KSR1: variants seen among roughly 807,000 people sequenced by gnomAD.
KSR1 encodes kinase suppressor of ras 1.
In KSR1, 35 loss-of-function variants were observed where a neutral mutation model predicts 92.9. The ratio of observed to expected loss-of-function variants is 0.38; its 90% CI spans 0.29 to 0.50. The LOEUF (loss-of-function observed/expected upper bound fraction) is 0.50, where lower values mean the gene tolerates loss of function less well. Among genes scored for constraint, KSR1 ranks in the 20% least tolerant of loss-of-function variants. The pLI is 0.94. For synonymous variants in KSR1, 467 were observed against 472.6 expected, an observed-to-expected ratio of 0.99 and a Z score of 0.15; for missense variants, 972 against 1,158.5, an observed-to-expected ratio of 0.84 and a Z score of 2.34.
At position 27,621,184 on chromosome 17, in the gene KSR1, C is replaced by T; in HGVS notation, c.2628-9C>T. The T allele has an allele frequency of 2.5e-6, 1 of 398,698 alleles. No individual in the cohort carries two copies. Among genetic ancestry groups the T allele is most frequent in the South Asian group, 1.3e-4 (1 of 7,856 alleles). 24.7% of individuals were successfully genotyped at this position (398,698 alleles called of 1,614,324 possible). On this transcript the variant is annotated splice_polypyrimidine_tract_variant and intron_variant, in intron 19 of 20. Transcript: ENST00000644974. ...CACGCCTGGTGGAATGGTCGCTGGG[C>T]ACTCCCAGTCGCTGGAGGAGCCGCT...
intron 18 of KSR1, 62 bp downstream of exon 18, chr17:27,611,691 G>A (rs2073922214): frequency 1.3e-6 from 2 of 1,599,460 alleles, no homozygotes; most frequent in Admixed American, 3.4e-5. Flanking sequence ...CATGTGGCAT[G>A]GCTGCCCTTC....
chr17:27,479,512 G>C (rs962039842), intron 1 of KSR1, among the ~76,000 whole-genome samples: 1 of 152,096 alleles, frequency 6.6e-6, no homozygotes, highest in Non-Finnish European at 1.5e-5. Flanking sequence ...AAGGGAGGAA[G>C]GTGCCGCTCC....
chr17:27,546,633 G>T (rs1407700268), intron 1 of KSR1, among the ~76,000 whole-genome samples: 1 of 152,214 alleles, frequency 6.6e-6, no homozygotes, highest in Non-Finnish European at 1.5e-5. Context: ...AATAGCTGCT[G>T]GGTGAGTGCG....
intron 13 of KSR1, 54 bp from the exon 14 acceptor site, chr17:27,605,380 C>G: frequency 6.4e-7 from 1 of 1,552,428 alleles, no homozygotes; most frequent in South Asian, 1.2e-5. Flanking sequence ...AAGGAAGAGA[C>G]GTCGCAGAGC....
At position 27,597,278 on chromosome 17, in the gene KSR1, C is replaced by A; in HGVS notation, c.1310C>A (p.Pro437Gln). Reference protein sequence around the residue: ...PKALTKKEHPPAMNHLDSSSN... With the variant: ...PKALTKKEHPQAMNHLDSSSN... Reference sequence around the variant, plus strand: ...TCTCTGGTCCTGCAGGAGCACCCTCCGGCCATGAATCACCTGGACTCCAGC... The same window carrying A: ...TCTCTGGTCCTGCAGGAGCACCCTCAGGCCATGAATCACCTGGACTCCAGC... The change falls in exon 10 of 21, where the codon CCG becomes CAG. Residue 437 changes from proline (P) to glutamine (Q), a missense_variant. Transcript: ENST00000644974. 6.3e-7 allele frequency: 1 copy of A among 1,589,876 alleles called. No individual in the cohort carries two copies. Among genetic ancestry groups the A allele is most frequent in the East Asian group, 2.3e-5 (1 of 43,378 alleles).
rs549649270 is a variant in KSR1, at chr17:27,552,703, C to T, written c.372+1995C>T. ...TAGCACTCCCCTCTTCCCATGCCAACGTCCTTTTCATTCATGAAGGGTTTG... is the reference window on the plus strand; with the variant it reads ...TAGCACTCCCCTCTTCCCATGCCAATGTCCTTTTCATTCATGAAGGGTTTG... On this transcript the variant is annotated intron_variant, in intron 2 of 20. Transcript: ENST00000644974. 1.5e-3 allele frequency among the ~76,000 whole-genome samples: 223 copies of T among 152,314 alleles called. 1 individual carries two copies. Among genetic ancestry groups the T allele is most frequent in the African/African-American group, 5.0e-3 (208 of 41,564 alleles).
At chr17:27,531,145 G>A (rs535495028) in intron 1 of KSR1, among the ~76,000 whole-genome samples, 1 of 152,288 alleles carries the variant, frequency 6.6e-6, no homozygotes, top group South Asian at 2.1e-4. Flanking sequence ...CCTCCCTTGG[G>A]GCCAGTGCCC....
chr17:27,517,181 A>G (rs1016177936), intron 1 of KSR1, among the ~76,000 whole-genome samples: 17 of 152,180 alleles, frequency 1.1e-4, no homozygotes, highest in Non-Finnish European at 2.2e-4. Context: ...TCTGAATGGG[A>G]AACATTTGTC....
At chr17:27,488,183 A>G (rs751192070) in intron 1 of KSR1, among the ~76,000 whole-genome samples, 1 of 152,256 alleles carries the variant, frequency 6.6e-6, no homozygotes, top group Admixed American at 6.5e-5. Context: ...TACATTCAAA[A>G]CATATATAAA....
At chr17:27,610,263 G>T (rs568885873) in intron 17 of KSR1, 65 bp downstream of exon 17, 80 of 1,604,492 alleles carry the variant, frequency 5.0e-5, no homozygotes, top group South Asian at 3.6e-4. Context: ...GTGGCCATTG[G>T]GGGCAGAGGG....
chr17:27,457,224 T>C (rs974654880), intron 1 of KSR1, among the ~76,000 whole-genome samples: 3 of 152,094 alleles, frequency 2.0e-5, no homozygotes, highest in Non-Finnish European at 4.4e-5. Flanking sequence ...GCTGGACTTT[T>C]CCCCGTGTGA....
At chr17:27,479,018 T>C (rs535454743) in intron 1 of KSR1, among the ~76,000 whole-genome samples, 10 of 123,084 alleles carry the variant, frequency 8.1e-5, no homozygotes, top group East Asian at 2.7e-4. Flanking sequence ...CTCTGTGCTC[T>C]TCCCTCCCTC....
chr17:27,621,794 A>G lies in KSR1; in HGVS notation c.2708+521A>G, dbSNP rs777904398. The stretch of plus-strand genomic sequence containing the variant: ...CCAAGCCTGGGGGATGGAGTCCAGG[A>G]TGGCCCTTTCTCTCTGGAAGAGAAA... On this transcript the variant is annotated intron_variant, in intron 20 of 20. Transcript: ENST00000644974. The G allele has an allele frequency of 2.2e-4, 172 of 768,070 alleles. 1 individual carries two copies. Among genetic ancestry groups the G allele is most frequent in the Non-Finnish European group, 3.4e-4 (154 of 451,934 alleles). The allele number at this position is 768,070 out of a possible 1,614,324, so 47.6% of individuals were successfully genotyped here.
intron 1 of KSR1, among the ~76,000 whole-genome samples, chr17:27,493,497 G>A (rs1242435170): frequency 2.0e-4 from 30 of 152,172 alleles, no homozygotes; most frequent in Non-Finnish European, 2.9e-5. Context: ...ACCCTGCCCC[G>A]TGGTGCTCGG....
At chr17:27,547,348 C>T (rs1050429924) in intron 1 of KSR1, among the ~76,000 whole-genome samples, 7 of 152,194 alleles carry the variant, frequency 4.6e-5, no homozygotes, top group Admixed American at 2.6e-4. Context: ...CATCGATGAA[C>T]GTAGATGGGG....
intron 1 of KSR1, among the ~76,000 whole-genome samples, chr17:27,494,340 C>G (rs2150967153): frequency 6.6e-6 from 1 of 152,122 alleles, no homozygotes; most frequent in South Asian, 2.1e-4. Context: ...GCAGTTTTGT[C>G]TTGCAGTCCA....
intron 2 of KSR1, among the ~76,000 whole-genome samples, chr17:27,573,275 T>C (rs531903105): frequency 6.6e-6 from 1 of 152,336 alleles, no homozygotes; most frequent in South Asian, 2.1e-4. Flanking sequence ...GAAGTTCTGG[T>C]GCCCCTCCAT....
chr17:27,460,559 G>A (rs935744057), intron 1 of KSR1, among the ~76,000 whole-genome samples: 1 of 152,282 alleles, frequency 6.6e-6, no homozygotes, highest in African/African-American at 2.4e-5. Flanking sequence ...GCGATGTTGG[G>A]AACTGTGGTA....
chr17:27,482,885 T>C (rs1335407213), intron 1 of KSR1, among the ~76,000 whole-genome samples: 1 of 150,308 alleles, frequency 6.7e-6, no homozygotes, highest in Non-Finnish European at 1.5e-5. Flanking sequence ...ATTTTCCTTT[T>C]TTCTTTCCCA....
Sources: gnomAD v4.1 joint callset for allele counts (sites outside exome capture counted in the v4.1 genomes callset) on GRCh38, gnomAD v4.1.1 for gene constraint, MANE v1.5 for transcripts, NCBI Gene and HGNC (gene_info 2026-07-23, HGNC 2026-07-21) for gene names.